DNAH9: variants seen among roughly 807,000 people sequenced by gnomAD.
DNAH9 encodes the protein DNAH9 variant protein.
In DNAH9, 345 loss-of-function variants were observed where a neutral mutation model predicts 471.6. That is an observed-to-expected ratio of 0.73 (90% CI 0.67 to 0.80). DNAH9 has a LOEUF of 0.80. DNAH9 is among the 30% of genes least tolerant of loss of function. The pLI is 0.00. For synonymous variants in DNAH9, 2,093 were observed against 2,123.6 expected, an observed-to-expected ratio of 0.99 and a Z score of 0.40; for missense variants, 5,407 against 5,609.2, an observed-to-expected ratio of 0.96 and a Z score of 1.15.
chr17:11,831,106 CA>C (rs1245271034), intron 48 of DNAH9, among the ~76,000 whole-genome samples: 1 of 152,154 alleles, frequency 6.6e-6, no homozygotes, highest in Non-Finnish European at 1.5e-5. Flanking sequence ...ACAGCGTAAG[CA>C]GGAAAATATC....
In DNAH9 at chr17:11,931,980, T is replaced by C. The variant is rs112312259; in HGVS notation, c.12106-34T>C. On this transcript the variant is annotated intron_variant, in intron 63 of 68. Transcript: ENST00000262442. ...AGCCAGCCCCGTATAAGAGAAGTTG[T>C]GTGCGAACCTTAAAAGCGACACTCT... is the stretch of plus-strand genomic sequence containing the variant. 4.4e-3 allele frequency: 7,139 copies of C among 1,609,352 alleles called. 251 individuals carry two copies. In the African/African-American group the frequency reaches 0.082, roughly 19 times the overall value.
chr17:11,824,813 C>T (rs1456733170), intron 48 of DNAH9, among the ~76,000 whole-genome samples: 3 of 152,086 alleles, frequency 2.0e-5, no homozygotes, highest in African/African-American at 7.2e-5. Context: ...TAATGCCAAA[C>T]AGGTTCCTCC....
At chr17:11,827,246 G>A (rs1444335271) in intron 48 of DNAH9, among the ~76,000 whole-genome samples, 5 of 152,128 alleles carry the variant, frequency 3.3e-5, no homozygotes, top group African/African-American at 7.2e-5. Flanking sequence ...GGCCATTCTT[G>A]CATTGCTATA....
At position 11,784,326 on chromosome 17, in the gene DNAH9, C is replaced by T; in HGVS notation, c.7848C>T (p.Ser2616=). ...GTCACTTCAGCGTGTTTGTCCTCTC[C>T]TTCCCGGGGGCAGATGCCCTGTCCT... ...LQRHFSVFVL[S]FPGADALSSI... Residue 2616 remains serine, a synonymous_variant, in exon 41 of 69, where the codon TCC becomes TCT. Coordinates refer to ENST00000262442, the MANE Select transcript of DNAH9 (RefSeq NM_001372.4). 1 of 1,614,196 alleles carries T rather than the reference C, an allele frequency of 6.2e-7. No individual in the cohort carries two copies. Among genetic ancestry groups the T allele is most frequent in the Non-Finnish European group, 8.5e-7 (1 of 1,180,028 alleles).
intron 51 of DNAH9, among the ~76,000 whole-genome samples, chr17:11,870,766 G>A (rs1237537869): frequency 6.6e-6 from 1 of 152,110 alleles, no homozygotes; most frequent in African/African-American, 2.4e-5. Context: ...GCTCATGGGA[G>A]GCAGTGTAGC....
chr17:11,812,491 TTGTC>T (rs1468817141), intron 45 of DNAH9, among the ~76,000 whole-genome samples: 1 of 152,158 alleles, frequency 6.6e-6, no homozygotes, highest in Non-Finnish European at 1.5e-5. Context: ...TTTGGAATCA[TTGTC>T]TGCTTCATAT....
intron 67 of DNAH9, among the ~76,000 whole-genome samples, chr17:11,957,568 GAAAA>G (rs796811713): frequency 2.0e-5 from 2 of 99,190 alleles, no homozygotes; most frequent in Non-Finnish European, 4.4e-5. Flanking sequence ...CAGAATGGGA[GAAAA>G]AAAAAAAAAA....
At chr17:11,704,921 T>C (rs1323400329) in intron 25 of DNAH9, 104 bp from the exon 26 acceptor site, 3 of 896,652 alleles carry the variant, frequency 3.3e-6, no homozygotes, top group South Asian at 1.5e-5. Flanking sequence ...CTGCACACTT[T>C]AGCAGCAGTC....
intron 59 of DNAH9, among the ~76,000 whole-genome samples, chr17:11,897,875 C>T (rs1162983882): frequency 6.6e-6 from 1 of 152,208 alleles, no homozygotes; most frequent in Non-Finnish European, 1.5e-5. Context: ...TGGCTTAAAA[C>T]AACAGAAATC....
rs56689551 is a variant in DNAH9, at chr17:11,828,473, C to CAAAAA, written c.9246+5449_9246+5453dup. ...GGGCAACAAGAGTGAAACTCCGTCT[C>CAAAAA]AAAAAAAAAAAAAATAGTGCCCGAA... On this transcript the variant is annotated intron_variant, in intron 48 of 68. Transcript: ENST00000262442. Among the ~76,000 whole-genome samples the CAAAAA allele has an allele frequency of 4.6e-3, 574 of 125,838 alleles. 14 individuals carry two copies. The highest frequency in any genetic ancestry group is 0.012 in the African/African-American group (401 of 32,852). 82.6% of individuals were successfully genotyped at this position (125,838 alleles called of 152,430 possible). A position where few individuals can be genotyped will look rare whatever the true frequency, so the allele number is the denominator to read the frequency against.
chr17:11,962,123 A>G lies in DNAH9; in HGVS notation c.13100A>G (p.Asn4367Ser). The G allele has an allele frequency of 6.2e-7, 1 of 1,614,184 alleles. No individual in the cohort carries two copies. The highest frequency in any genetic ancestry group is 1.1e-5 in the South Asian group (1 of 91,082). Residue 4367 changes from asparagine (N) to serine (S), a missense_variant, in exon 68 of 69, where the codon AAT becomes AGT. Coordinates refer to ENST00000262442, the MANE Select transcript of DNAH9 (RefSeq NM_001372.4). The surrounding 1 kb of genome is among the most constrained non-coding windows in gnomAD (Gnocchi z 4.1). ...TAIMQSTARK[N>S]EWPLDQMALQ... The stretch of plus-strand genomic sequence containing the variant: ...ATCATGCAGTCCACGGCTCGCAAGA[A>G]TGAGTGGCCACTGGACCAGATGGCC...
rs188432895 is a variant in DNAH9 at position 11,868,436 on chromosome 17, G to C, written c.9934-698G>C. ...AATATGTACTCAGAGGACAACAAAA[G>C]CTACGTACTTCAATTTTAAATTCTT... On this transcript the variant is annotated intron_variant, in intron 50 of 68. Coordinates refer to ENST00000262442, the MANE Select transcript of DNAH9 (RefSeq NM_001372.4). Among the ~76,000 whole-genome samples the C allele has an allele frequency of 2.7e-4, 41 of 152,240 alleles. No individual in the cohort carries two copies. In the South Asian group the frequency reaches 3.3e-3, roughly 12 times the overall value.
At chr17:11,612,117 A>C (rs2072651359) in intron 4 of DNAH9, 1 of 560,100 alleles carries the variant, frequency 1.8e-6, no homozygotes, top group East Asian at 3.0e-5. Flanking sequence ...TTAACACAAC[A>C]ATGTTCCTGG....
At chr17:11,618,164 A>G (rs899359568) in intron 5 of DNAH9, among the ~76,000 whole-genome samples, 2 of 152,224 alleles carry the variant, frequency 1.3e-5, no homozygotes, top group Admixed American at 6.5e-5. Flanking sequence ...TGCCCTGCAC[A>G]TGGTAAGAAC....
At position 11,747,579 on chromosome 17, in the gene DNAH9, G is replaced by A. The variant is rs1181737604; in HGVS notation, c.6423G>A (p.Leu2141=). The A allele has an allele frequency of 3.1e-6, 5 of 1,613,682 alleles. No homozygotes were observed. The Admixed American group carries it at 8.3e-5, about 27-fold the overall frequency. The change falls in exon 32 of 69, where the codon CTG becomes CTA. Residue 2141 remains leucine (L), a synonymous_variant. Transcript: ENST00000262442. Reference sequence around the variant, plus strand: ...AGGTGGTCCAGCTGGAGGAGCTCCTGGCTGTGCGGCACTCTGTATTTGTGG... The same window carrying A: ...AGGTGGTCCAGCTGGAGGAGCTCCTAGCTGTGCGGCACTCTGTATTTGTGG... ...VLKVVQLEEL[L]AVRHSVFVVG...
intron 5 of DNAH9, 71 bp downstream of exon 5, chr17:11,617,693 G>C (rs2072775178): frequency 9.1e-7 from 1 of 1,098,202 alleles, no homozygotes; most frequent in African/African-American, 1.6e-5. Context: ...GGAGAGAAGA[G>C]ACAAGTGTCC....
chr17:11,757,141 T>C (rs908557578), intron 34 of DNAH9, among the ~76,000 whole-genome samples: 1 of 152,044 alleles, frequency 6.6e-6, no homozygotes, highest in African/African-American at 2.4e-5. Flanking sequence ...GGTCAATGGG[T>C]ACAAAATTTC....
intron 68 of DNAH9, among the ~76,000 whole-genome samples, chr17:11,966,004 T>A (rs142940379): frequency 2.6e-3 from 393 of 152,190 alleles, no homozygotes; most frequent in Non-Finnish European, 3.8e-3. Flanking sequence ...AATGGTAGTT[T>A]AGAAAGGAAA....
intron 48 of DNAH9, among the ~76,000 whole-genome samples, chr17:11,829,782 A>C (rs915665823): frequency 3.3e-5 from 5 of 152,200 alleles, no homozygotes; most frequent in Non-Finnish European, 5.9e-5. Flanking sequence ...CAAAGTTCAT[A>C]AACTTTAGAC....
Sources: gnomAD v4.1 joint callset for allele counts (sites outside exome capture counted in the v4.1 genomes callset) on GRCh38, gnomAD v4.1.1 for gene constraint, Gnocchi (gnomAD v3.1) non-coding constraint, MANE v1.5 for transcripts, NCBI Gene and HGNC (gene_info 2026-07-23, HGNC 2026-07-21) for gene names.